BRIP1: variants seen among roughly 807,000 people sequenced by gnomAD.
BRIP1 encodes the protein Fanconi anemia group J protein.
BRIP1 carries 88 observed loss-of-function variants against 119.7 expected under a neutral mutation model. The observed-to-expected ratio is 0.74, with a 90% CI of 0.62 to 0.88. BRIP1 has a LOEUF of 0.88. Ranked by LOEUF, BRIP1 falls within the 40% of genes least tolerant of loss-of-function variation. The pLI, the probability that BRIP1 is intolerant of heterozygous loss-of-function variation, is 0.00. For missense variants in BRIP1, 1,259 were observed against 1,455.4 expected (o/e 0.87, Z 2.20); for synonymous variants, 443 against 496.5 (o/e 0.89, Z 1.43).
rs1279039042 is a variant in BRIP1, at chr17:61,740,733, A to C, written c.2379+2280T>G. On this transcript the variant is annotated intron_variant, in intron 16 of 19. Coordinates refer to ENST00000259008, the MANE Select transcript of BRIP1 (RefSeq NM_032043.3). This position sits in a 1 kb window ranked among gnomAD's most constrained non-coding sequence, Gnocchi z 5.4. ...AGTGGGCAACAGCATTATGTCTCAA[A>C]AGCCAATGTATATACCTTAACTTGA... Among the ~76,000 whole-genome samples, 1 of 152,234 alleles carries C rather than the reference A, an allele frequency of 6.6e-6. No homozygotes were observed. Among genetic ancestry groups the C allele is most frequent in the Non-Finnish European group, 1.5e-5 (1 of 68,040 alleles).
Position 61,756,084 on chromosome 17 carries a change from T to C in BRIP1, c.2098-11493A>G, listed in dbSNP as rs1416645717. Among the ~76,000 whole-genome samples, 1 of 152,194 alleles carries C rather than the reference T, an allele frequency of 6.6e-6. No homozygotes were observed. The highest frequency in any genetic ancestry group is 1.5e-5 in the Non-Finnish European group (1 of 68,022). The stretch of plus-strand genomic sequence containing the variant: ...CATGCAAATTTGGAGTACAATTCTA[T>C]AGCAAAAACATACTGGTTATTTTAG... On this transcript the variant is annotated intron_variant, in intron 14 of 19. Transcript: ENST00000259008. This position sits in a 1 kb window ranked among gnomAD's most constrained non-coding sequence, Gnocchi z 4.3.
At chr17:61,787,890 C>A (rs1183793674) in intron 10 of BRIP1, among the ~76,000 whole-genome samples, 4 of 152,104 alleles carry the variant, frequency 2.6e-5, no homozygotes, top group African/African-American at 7.2e-5. Context: ...GTGATCTGCC[C>A]GCCTCGGCCT....
chr17:61,786,595 A>G (rs1273136041), intron 10 of BRIP1, among the ~76,000 whole-genome samples: 1 of 146,916 alleles, frequency 6.8e-6, no homozygotes, highest in East Asian at 1.9e-4. Flanking sequence ...TATATAATAT[A>G]ATAAAAATAT....
At chr17:61,838,062 T>C (rs1174600288) in intron 6 of BRIP1, among the ~76,000 whole-genome samples, 1 of 152,188 alleles carries the variant, frequency 6.6e-6, no homozygotes, top group East Asian at 1.9e-4. Context: ...CCATTTAATT[T>C]ATGGAAGAAG....
At position 61,744,746 on chromosome 17, in the gene BRIP1, G is replaced by C. The variant is rs2077037251; in HGVS notation, c.2098-155C>G. The stretch of plus-strand genomic sequence containing the variant: ...GGAAAACAATATATCTCATAGAGCT[G>C]TTATGGGGTTAAATTTATTAACAGA... On this transcript the variant is annotated intron_variant, in intron 14 of 19. Transcript: ENST00000259008. This position sits in a 1 kb window ranked among gnomAD's most constrained non-coding sequence, Gnocchi z 5.0. Among the ~76,000 whole-genome samples the C allele has an allele frequency of 6.6e-6, 1 of 152,114 alleles. No homozygotes were observed. The highest frequency in any genetic ancestry group is 6.5e-5 in the Admixed American group (1 of 15,272).
At chr17:61,711,914 A>T (rs1380328172) in intron 17 of BRIP1, among the ~76,000 whole-genome samples, 3 of 151,942 alleles carry the variant, frequency 2.0e-5, no homozygotes, top group African/African-American at 7.2e-5. Context: ...AAATAAAATG[A>T]TGGGGAGTAC....
chr17:61,770,643 A>C lies in BRIP1; in HGVS notation c.2097+5758T>G, dbSNP rs1188025281. Among the ~76,000 whole-genome samples, 2 of 152,214 alleles carry C rather than the reference A, an allele frequency of 1.3e-5. No homozygotes were observed. Among genetic ancestry groups the C allele is most frequent in the African/African-American group, 4.8e-5 (2 of 41,458 alleles). ...AAGGTAGGATTAAAAAAACAGCTAC[A>C]TAGGATTAAAGCTTCTGCATTCTAT... On this transcript the variant is annotated intron_variant, in intron 14 of 19. Coordinates refer to ENST00000259008, the MANE Select transcript of BRIP1 (RefSeq NM_032043.3). This position sits in a 1 kb window ranked among gnomAD's most constrained non-coding sequence, Gnocchi z 4.7.
rs1338241931 is a variant in BRIP1 at position 61,715,997 on chromosome 17, A to G, written c.2446T>C (p.Trp816Arg). 1 of 1,608,918 alleles carries G rather than the reference A, an allele frequency of 6.2e-7. No individual in the cohort carries two copies. The highest frequency in any genetic ancestry group is 1.3e-5 in the African/African-American group (1 of 74,824). ...GCCCTGTATGCTTGAATTTCATACC[A>G]CTGACGGCCAGGTAGAAGACCTCTC... ...KLRGLLPGRQ[W>R]YEIQAYRALN... The change falls in exon 17 of 20, where the codon TGG becomes CGG. Residue 816 changes from tryptophan to arginine, a missense_variant. Trp to Arg is a moderately radical substitution (Grantham distance 101, BLOSUM62 -3). Transcript: ENST00000259008.
rs2145825645 is a variant in BRIP1, at chr17:61,857,048, T to C, written c.379+10A>G. 1 of 1,613,218 alleles carries C rather than the reference T, an allele frequency of 6.2e-7. No homozygotes were observed. The highest frequency in any genetic ancestry group is 8.5e-7 in the Non-Finnish European group (1 of 1,179,266). On this transcript the variant is annotated intron_variant, in intron 4 of 19. Transcript: ENST00000259008. The surrounding 1 kb of genome is among the most constrained non-coding windows in gnomAD (Gnocchi z 5.1). ...CAGATATCAACTGACCCAGGCAAAA[T>C]ATAAATTACCTTGACAAGTTGATGA...
chr17:61,849,601 G>A (rs181703308), intron 4 of BRIP1, among the ~76,000 whole-genome samples: 29 of 152,140 alleles, frequency 1.9e-4, no homozygotes, highest in Middle Eastern at 3.4e-3. Context: ...CAGTATCAAC[G>A]TTTCTTCCCT....
intron 16 of BRIP1, among the ~76,000 whole-genome samples, chr17:61,727,790 CTATA>C (rs10567143): frequency 2.0e-3 from 266 of 131,292 alleles, no homozygotes; most frequent in Middle Eastern, 0.011. Flanking sequence ...CTCTCTCTCT[CTATA>C]TATATATATA....
At position 61,810,066 on chromosome 17, in the gene BRIP1, C is replaced by T. The variant is rs866215451; in HGVS notation, c.628-1309G>A. On this transcript the variant is annotated intron_variant, in intron 6 of 19. Coordinates refer to ENST00000259008, the MANE Select transcript of BRIP1 (RefSeq NM_032043.3). The surrounding 1 kb of genome is among the most constrained non-coding windows in gnomAD (Gnocchi z 4.7). ...CTGGGATAAAAGGTTCACTGATGTG[C>T]CAAATAAACAGTCAGTCAAAGCAGA... Among the ~76,000 whole-genome samples the T allele has an allele frequency of 1.7e-4, 26 of 152,136 alleles. No individual in the cohort carries two copies. The highest frequency in any genetic ancestry group is 1.2e-3 in the South Asian group (6 of 4,826).
In BRIP1 at chr17:61,767,088, C is replaced by T. The variant is rs2077384179; in HGVS notation, c.2097+9313G>A. Among the ~76,000 whole-genome samples, 1 of 152,078 alleles carries T rather than the reference C, an allele frequency of 6.6e-6. No individual in the cohort carries two copies. Among genetic ancestry groups the T allele is most frequent in the African/African-American group, 2.4e-5 (1 of 41,410 alleles). On this transcript the variant is annotated intron_variant, in intron 14 of 19. Transcript: ENST00000259008. This position sits in a 1 kb window ranked among gnomAD's most constrained non-coding sequence, Gnocchi z 5.7. Reference sequence around the variant, plus strand: ...AATGTGGGGAAAAAAACTAGATGAACAACGTTCTCACTCTTACCCTTAAAC... The same window carrying T: ...AATGTGGGGAAAAAAACTAGATGAATAACGTTCTCACTCTTACCCTTAAAC...
chr17:61,751,916 A>C lies in BRIP1; in HGVS notation c.2098-7325T>G, dbSNP rs2077136676. 6.6e-6 allele frequency among the ~76,000 whole-genome samples: 1 copy of C among 151,864 alleles called. No homozygotes were observed. The highest frequency in any genetic ancestry group is 2.1e-4 in the South Asian group (1 of 4,818). Reference sequence around the variant, plus strand: ...CCTGAGTAGCTGGGACTACAGGCGGACACCACCACACCTGACTAATTTTTG... The same window carrying C: ...CCTGAGTAGCTGGGACTACAGGCGGCCACCACCACACCTGACTAATTTTTG... On this transcript the variant is annotated intron_variant, in intron 14 of 19. Transcript: ENST00000259008. The surrounding 1 kb of genome is among the most constrained non-coding windows in gnomAD (Gnocchi z 6.7).
At chr17:61,723,252 T>A (rs930320128) in intron 16 of BRIP1, among the ~76,000 whole-genome samples, 1 of 152,220 alleles carries the variant, frequency 6.6e-6, no homozygotes, top group Non-Finnish European at 1.5e-5. Flanking sequence ...GCAAATAGCC[T>A]AAATGTTAAG....
chr17:61,787,162 AC>A (rs2077734215), intron 10 of BRIP1, among the ~76,000 whole-genome samples: 1 of 102,290 alleles, frequency 9.8e-6, no homozygotes, highest in African/African-American at 4.1e-5. Flanking sequence ...TATATTATAT[AC>A]TATATAAAAT....
chr17:61,821,926 G>A (rs889200057), intron 6 of BRIP1, among the ~76,000 whole-genome samples: 8 of 152,034 alleles, frequency 5.3e-5, no homozygotes, highest in Non-Finnish European at 8.8e-5. Context: ...AAGGCTCAAT[G>A]AATATTACTG....
In BRIP1 at chr17:61,776,666, A is replaced by C. The variant is rs542558965; in HGVS notation, c.1936-104T>G. ...TAAAAGATCAAGCAACAAGTTTAACAATTTATTTTTAAATTGTCAGGGGGT... is the reference window on the plus strand; with the variant it reads ...TAAAAGATCAAGCAACAAGTTTAACCATTTATTTTTAAATTGTCAGGGGGT... On this transcript the variant is annotated intron_variant, in intron 13 of 19. Coordinates refer to ENST00000259008, the MANE Select transcript of BRIP1 (RefSeq NM_032043.3). The surrounding 1 kb of genome is among the most constrained non-coding windows in gnomAD (Gnocchi z 5.0). 1.6e-5 allele frequency: 20 copies of C among 1,252,598 alleles called. No homozygotes were observed. In the East Asian group the frequency reaches 4.2e-4, roughly 26 times the overall value. The allele number at this position is 1,252,598 out of a possible 1,614,324, so 77.6% of individuals were successfully genotyped here.
At position 61,768,567 on chromosome 17, in the gene BRIP1, C is replaced by A. The variant is rs1323943020; in HGVS notation, c.2097+7834G>T. On this transcript the variant is annotated intron_variant, in intron 14 of 19. Transcript: ENST00000259008. The surrounding 1 kb of genome is among the most constrained non-coding windows in gnomAD (Gnocchi z 5.0). ...TACCTAAATTTCATAAATATCATTT[C>A]ACTTCTATTAATATTTTCATATGCC... Among the ~76,000 whole-genome samples, 1 of 152,084 alleles carries A rather than the reference C, an allele frequency of 6.6e-6. No individual in the cohort carries two copies. Among genetic ancestry groups the A allele is most frequent in the African/African-American group, 2.4e-5 (1 of 41,412 alleles).
Sources: gnomAD v4.1 joint callset for allele counts (sites outside exome capture counted in the v4.1 genomes callset) on GRCh38, gnomAD v4.1.1 for gene constraint, Gnocchi (gnomAD v3.1) non-coding constraint, MANE v1.5 for transcripts, NCBI Gene and HGNC (gene_info 2026-07-23, HGNC 2026-07-21) for gene names.